ADAM22: variants seen among roughly 807,000 people sequenced by gnomAD.
ADAM22 encodes disintegrin and metalloproteinase domain-containing protein 22.
A neutral mutation model predicts 144.6 loss-of-function variants in ADAM22; 65 were observed. The ratio of observed to expected loss-of-function variants is 0.45; its 90% confidence interval spans 0.37 to 0.55. ADAM22 has a LOEUF of 0.55. Among genes scored for constraint, ADAM22 ranks in the 20% least tolerant of loss-of-function variants. ADAM22 has a pLI of 0.00. For missense variants in ADAM22, 974 were observed against 1,184.9 expected, an observed-to-expected ratio of 0.82 and a Z score of 2.61; for synonymous variants, 391 against 412.6, an observed-to-expected ratio of 0.95 and a Z score of 0.63.
At chr7:88,007,251 A>T (rs1267211648) in intron 3 of ADAM22, among the ~76,000 whole-genome samples, 1 of 152,190 alleles carries the variant, frequency 6.6e-6, no homozygotes, top group African/African-American at 2.4e-5. Context: ...ATAAAAGAGG[A>T]TACAAACAAA....
intron 31 of ADAM22, among the ~76,000 whole-genome samples, chr7:88,195,638 C>A (rs1240836708): frequency 4.7e-4 from 72 of 152,236 alleles, no homozygotes; most frequent in African/African-American, 1.6e-3. Flanking sequence ...GCCTCAGCCT[C>A]CCGAGTAGCT....
chr7:88,135,823 A>G (rs1832872018), intron 13 of ADAM22, among the ~76,000 whole-genome samples, 157 bp from the exon 14 acceptor site: 1 of 152,216 alleles, frequency 6.6e-6, no homozygotes, highest in East Asian at 1.9e-4. Flanking sequence ...GTTGCATATT[A>G]CATAAAAAAA....
intron 3 of ADAM22, among the ~76,000 whole-genome samples, chr7:88,067,724 C>T (rs1811650236): frequency 6.6e-6 from 1 of 151,996 alleles, no homozygotes; most frequent in Non-Finnish European, 1.5e-5. Flanking sequence ...GCAGGCTCAG[C>T]TTTTACTTGA....
chr7:88,082,640 A>T (rs1455584267), intron 4 of ADAM22, among the ~76,000 whole-genome samples: 2 of 152,232 alleles, frequency 1.3e-5, no homozygotes, highest in Non-Finnish European at 2.9e-5. Context: ...CAAATTTACA[A>T]GAAAAAAACA....
rs16885871 is a variant in ADAM22, at chr7:87,966,679, C to T, written c.247-11657C>T. On this transcript the variant is annotated intron_variant, in intron 2 of 31. Transcript: ENST00000413139. ...AACTGGAAATGTAGCAAGGTAAATTCGGGGAATGCCTCTCAAGAGTTCATC... is the reference window on the plus strand; with the variant it reads ...AACTGGAAATGTAGCAAGGTAAATTTGGGGAATGCCTCTCAAGAGTTCATC... Among the ~76,000 whole-genome samples, 675 of 125,854 alleles carry T rather than the reference C, an allele frequency of 5.4e-3. 7 individuals are homozygous for T. The East Asian group carries it at 0.054, about 10-fold the overall frequency. The allele number at this position is 125,854 out of a possible 152,430, so 82.6% of individuals were successfully genotyped here.
intron 3 of ADAM22, among the ~76,000 whole-genome samples, chr7:88,014,717 T>A (rs1487100003): frequency 1.3e-5 from 2 of 152,188 alleles, no homozygotes; most frequent in Admixed American, 1.3e-4. Context: ...ATTTGCCACA[T>A]CAAACTGAGA....
intron 2 of ADAM22, among the ~76,000 whole-genome samples, chr7:87,962,088 A>G (rs1159476321): frequency 1.3e-5 from 2 of 152,192 alleles, no homozygotes; most frequent in African/African-American, 4.8e-5. Context: ...TTAACACAGG[A>G]ACACAGGTCA....
chr7:88,125,534 T>C (rs1270936243), intron 7 of ADAM22, 55 bp from the exon 8 acceptor site: 22 of 1,316,534 alleles, frequency 1.7e-5, no homozygotes, highest in Non-Finnish European at 1.1e-6. Flanking sequence ...CTTTGCCCTG[T>C]ATTGAAGAAA....
intron 4 of ADAM22, among the ~76,000 whole-genome samples, chr7:88,083,241 A>G (rs1817381297): frequency 6.6e-6 from 1 of 152,190 alleles, no homozygotes; most frequent in African/African-American, 2.4e-5. Context: ...TGCGAGGACA[A>G]AAAACCAAAC....
chr7:87,988,428 A>T (rs1788980361), intron 3 of ADAM22, among the ~76,000 whole-genome samples: 1 of 152,190 alleles, frequency 6.6e-6, no homozygotes, highest in South Asian at 2.1e-4. Flanking sequence ...TGTGGGTTTC[A>T]TTCATTTAGC....
chr7:87,974,867 TG>T (rs1851523733), intron 2 of ADAM22, among the ~76,000 whole-genome samples: 1 of 152,194 alleles, frequency 6.6e-6, no homozygotes, highest in Admixed American at 6.5e-5. Context: ...CTGCATTCCT[TG>T]GTTCCTGCCC....
intron 3 of ADAM22, among the ~76,000 whole-genome samples, chr7:88,073,607 A>G (rs1256328174): frequency 1.3e-5 from 2 of 152,242 alleles, no homozygotes; most frequent in Admixed American, 6.5e-5. Context: ...TCACTAAATT[A>G]ATTTAAAGTG....
Position 88,182,158 on chromosome 7 carries a change from G to C in ADAM22, c.2663+134G>C. 5 of 774,386 alleles carry C rather than the reference G, an allele frequency of 6.5e-6. No individual in the cohort carries two copies. The Admixed American group carries it at 1.6e-4, about 24-fold the overall frequency. The allele number at this position is 774,386 out of a possible 1,614,324, so 48.0% of individuals were successfully genotyped here. ...GGTTTTGTCTTTTAAATTCTTTTTT[G>C]CCCTTTAAAAATTAACCATGGCTTT... On this transcript the variant is annotated intron_variant, in intron 29 of 31. Coordinates refer to ENST00000413139, the MANE Select transcript of ADAM22 (RefSeq NM_001324418.2).
At chr7:87,954,698 A>G (rs1158060688) in intron 2 of ADAM22, among the ~76,000 whole-genome samples, 2 of 152,238 alleles carry the variant, frequency 1.3e-5, no homozygotes, top group South Asian at 2.1e-4. Flanking sequence ...CTGCCTTGCT[A>G]GATTGGGGAA....
chr7:88,149,199 G>C (rs1837595076), intron 18 of ADAM22, 142 bp downstream of exon 18: 1 of 657,908 alleles, frequency 1.5e-6, no homozygotes, highest in African/African-American at 1.8e-5. Flanking sequence ...AGGAATTTAA[G>C]TTTCAGTGAT....
At chr7:87,935,958 C>T (rs1841145491) in intron 2 of ADAM22, among the ~76,000 whole-genome samples, 1 of 152,076 alleles carries the variant, frequency 6.6e-6, no homozygotes, top group African/African-American at 2.4e-5. Flanking sequence ...TTTATTTCTA[C>T]ACATCAGCTG....
chr7:88,047,230 C>G (rs751214349), intron 3 of ADAM22, among the ~76,000 whole-genome samples: 4 of 152,198 alleles, frequency 2.6e-5, no homozygotes, highest in Non-Finnish European at 5.9e-5. Context: ...TCAACTTAAA[C>G]TCTCAGGCAG....
intron 27 of ADAM22, among the ~76,000 whole-genome samples, chr7:88,180,237 G>A (rs1846669142): frequency 6.6e-6 from 1 of 152,036 alleles, no homozygotes; most frequent in Admixed American, 6.6e-5. Flanking sequence ...TTTAAAAAAT[G>A]TATTCTTTTA....
chr7:88,113,703 A>ATATATATATATATAT (rs1554478728), intron 5 of ADAM22, among the ~76,000 whole-genome samples: 9 of 48,102 alleles, frequency 1.9e-4, no homozygotes, highest in Admixed American at 2.8e-4. Flanking sequence ...TAAATAAATA[A>ATATATATATATATAT]ATATATATAT....
Sources: allele counts gnomAD v4.1 joint callset (sites outside exome capture counted in the v4.1 genomes callset), GRCh38; gene constraint gnomAD v4.1.1; transcripts MANE v1.5; gene names NCBI Gene and HGNC (gene_info 2026-07-23, HGNC 2026-07-21).